MAP3K3: variants seen among roughly 807,000 people sequenced by gnomAD.
MAP3K3 encodes the protein MAP/ERK kinase kinase 3.
In MAP3K3, 12 loss-of-function variants were observed where a neutral mutation model predicts 80.9. The ratio of observed to expected loss-of-function variants is 0.15; its 90% confidence interval spans 0.10 to 0.24. MAP3K3 has a LOEUF of 0.24. Ranked by LOEUF, MAP3K3 falls within the 10% of genes least tolerant of loss-of-function variation. The pLI is 1.00. For missense variants in MAP3K3, 596 were observed against 834.7 expected (o/e 0.71, Z 3.52); for synonymous variants, 272 against 307.1 (o/e 0.89, Z 1.19).
intron 2 of MAP3K3, chr17:63,634,612 G>T: frequency 3.1e-6 from 3 of 980,876 alleles, no homozygotes; most frequent in Non-Finnish European, 4.8e-6. Flanking sequence ...TTAACAAGAG[G>T]TACTAGATCT....
At chr17:63,660,970 T>G (rs1187961478) in intron 5 of MAP3K3, among the ~76,000 whole-genome samples, 2 of 152,236 alleles carry the variant, frequency 1.3e-5, no homozygotes, top group Non-Finnish European at 2.9e-5. Context: ...TACATAGTCT[T>G]ACCTCTCCCA....
chr17:63,689,692 C>G lies in MAP3K3; in HGVS notation c.1020C>G (p.Ser340Arg). ...DPRGRLRSAD[S>R]ENALSVQERN... ...GTGGGCGCCTGCGGAGTGCGGACAG[C>G]GAGAATGCCCTCTCTGTGCAGGAGA... The change falls in exon 11 of 16, where the codon AGC becomes AGG. Residue 340 changes from serine (S) to arginine (R), a missense_variant. Transcript: ENST00000361733. This position sits in a 1 kb window ranked among gnomAD's most constrained non-coding sequence, Gnocchi z 4.3. The G allele has an allele frequency of 1.2e-6, 2 of 1,613,862 alleles. No individual in the cohort carries two copies. Among genetic ancestry groups the G allele is most frequent in the Middle Eastern group, 3.3e-4 (2 of 6,060 alleles).
intron 4 of MAP3K3, among the ~76,000 whole-genome samples, chr17:63,654,205 A>C (rs1211109093): frequency 1.3e-5 from 2 of 151,822 alleles, no homozygotes; most frequent in African/African-American, 4.9e-5. Context: ...AGAAACCTGT[A>C]CCTATTAGCA....
At chr17:63,623,470 C>T (rs2034037103) in intron 1 of MAP3K3, among the ~76,000 whole-genome samples, 1 of 152,196 alleles carries the variant, frequency 6.6e-6, no homozygotes, top group Non-Finnish European at 1.5e-5. Flanking sequence ...TTATTTTTTT[C>T]TTGCGGTATC....
Position 63,693,793 on chromosome 17 carries a change from C to T in MAP3K3, c.*16C>T, listed in dbSNP as rs2035640267. ...CATGTACTGAGCTCTCACGGCCACACAGCTGCCGGTCGCCCTTTGCTGCAT... is the reference window on the plus strand; with the variant it reads ...CATGTACTGAGCTCTCACGGCCACATAGCTGCCGGTCGCCCTTTGCTGCAT... On this transcript the variant is annotated 3_prime_UTR_variant, in exon 16 of 16. Coordinates refer to ENST00000361733, the MANE Select transcript of MAP3K3 (RefSeq NM_002401.5). This position sits in a 1 kb window ranked among gnomAD's most constrained non-coding sequence, Gnocchi z 4.2. 7 of 1,587,656 alleles carry T rather than the reference C, an allele frequency of 4.4e-6. No homozygotes were observed. The highest frequency in any genetic ancestry group is 1.8e-4 in the Middle Eastern group (1 of 5,692).
In MAP3K3 at chr17:63,692,228, C is replaced by CT; in HGVS notation, c.1475-11dup. On this transcript the variant is annotated splice_polypyrimidine_tract_variant and intron_variant, in intron 14 of 15. Transcript: ENST00000361733. This position sits in a 1 kb window ranked among gnomAD's most constrained non-coding sequence, Gnocchi z 4.5. ...AGGGTCCAGGGTTGCAGCCTCTGCC[C>CT]TTTCATGCCTCAGGAGCCAACATCC... The CT allele has an allele frequency of 6.2e-7, 1 of 1,613,586 alleles. No individual in the cohort carries two copies.
chr17:63,688,903 C>T, intron 10 of MAP3K3, 22 bp downstream of exon 10: 1 of 1,580,810 alleles, frequency 6.3e-7, no homozygotes, highest in Admixed American at 1.7e-5. Context: ...TTCACCTGCT[C>T]CCTGCTGGCT....
At position 63,691,259 on chromosome 17, in the gene MAP3K3, G is replaced by GAC; in HGVS notation, c.1344+34_1344+35dup. The GAC allele has an allele frequency of 1.2e-6, 2 of 1,613,822 alleles. No individual in the cohort carries two copies. The highest frequency in any genetic ancestry group is 1.7e-6 in the Non-Finnish European group (2 of 1,179,972). ...GTACGTGCCCCTTGAATGCATGTGA[G>GAC]ACACACACAAAAGAGGGCCTGACCT... On this transcript the variant is annotated intron_variant, in intron 13 of 15. Transcript: ENST00000361733. This position sits in a 1 kb window ranked among gnomAD's most constrained non-coding sequence, Gnocchi z 4.8.
chr17:63,674,706 A>G (rs899439291), intron 6 of MAP3K3, among the ~76,000 whole-genome samples: 1 of 152,142 alleles, frequency 6.6e-6, no homozygotes, highest in South Asian at 2.1e-4. Flanking sequence ...GGATAAAGAC[A>G]GCTGAAAAGG....
chr17:63,690,887 C>T, intron 12 of MAP3K3: 1 of 586,086 alleles, frequency 1.7e-6, no homozygotes, highest in Admixed American at 3.0e-5. Flanking sequence ...CTTCTCCCAC[C>T]TCCCTGCCTC....
At position 63,643,048 on chromosome 17, in the gene MAP3K3, A is replaced by G. The variant is rs140386329; in HGVS notation, c.127-2986A>G. Among the ~76,000 whole-genome samples, 1,161 of 151,190 alleles carry G rather than the reference A, an allele frequency of 7.7e-3. 8 individuals carry two copies. The highest frequency in any genetic ancestry group is 0.013 in the Non-Finnish European group (866 of 67,836). On this transcript the variant is annotated intron_variant, in intron 2 of 15. Coordinates refer to ENST00000361733, the MANE Select transcript of MAP3K3 (RefSeq NM_002401.5). ...GTTGGGGTTAGAAGCGTGAGCTACC[A>G]CACCTGGCCTAAAACTTCTAAAAAT...
At chr17:63,632,867 A>G in intron 2 of MAP3K3, 65 bp downstream of exon 2, 2 of 1,601,472 alleles carry the variant, frequency 1.2e-6, no homozygotes, top group Non-Finnish European at 1.7e-6. Context: ...TGGGAAATAT[A>G]CGAAAAGCCA....
intron 5 of MAP3K3, among the ~76,000 whole-genome samples, chr17:63,663,752 C>CGTGGTGGCAAATGCCT (rs2042778547): frequency 6.6e-6 from 1 of 152,032 alleles, no homozygotes; most frequent in Admixed American, 6.6e-5. Context: ...TAAAATCAGT[C>CGTGGTGGCAAATGCCT]GTGGTGGCAA....
At position 63,689,024 on chromosome 17, in the gene MAP3K3, G is replaced by GA. The variant is rs2035524129; in HGVS notation, c.871+150dup. The stretch of plus-strand genomic sequence containing the variant: ...CCCAGACTTGAGGCATGGGAGACAG[G>GA]AAAAAAACAAAAACAAAAACAGGGA... On this transcript the variant is annotated intron_variant, in intron 10 of 15. Transcript: ENST00000361733. This position sits in a 1 kb window ranked among gnomAD's most constrained non-coding sequence, Gnocchi z 4.3. The GA allele has an allele frequency of 4.7e-6, 3 of 638,342 alleles. No individual in the cohort carries two copies. Among genetic ancestry groups the GA allele is most frequent in the East Asian group, 5.4e-5 (2 of 37,292 alleles). 39.5% of individuals were successfully genotyped at this position (638,342 alleles called of 1,614,324 possible).
chr17:63,690,774 G>A (rs1243756463), intron 12 of MAP3K3, among the ~76,000 whole-genome samples: 1 of 152,192 alleles, frequency 6.6e-6, no homozygotes, highest in Non-Finnish European at 1.5e-5. Flanking sequence ...CAGCTCTAGA[G>A]GAGGAATCAT....
chr17:63,656,901 T>TA (rs2034781546), intron 4 of MAP3K3, among the ~76,000 whole-genome samples: 1 of 152,046 alleles, frequency 6.6e-6, no homozygotes, highest in Non-Finnish European at 1.5e-5. Flanking sequence ...TCAGGAAACT[T>TA]ACAATCATGA....
chr17:63,631,285 T>TTCAG (rs754263410), intron 1 of MAP3K3, among the ~76,000 whole-genome samples: 2 of 152,070 alleles, frequency 1.3e-5, no homozygotes, highest in African/African-American at 2.4e-5. Context: ...GAAACCCTGT[T>TTCAG]TCAGTCAGTC....
Position 63,693,801 on chromosome 17 carries a change from G to T in MAP3K3, c.*24G>T, listed in dbSNP as rs375158743. On this transcript the variant is annotated 3_prime_UTR_variant, in exon 16 of 16. Coordinates refer to ENST00000361733, the MANE Select transcript of MAP3K3 (RefSeq NM_002401.5). The surrounding 1 kb of genome is among the most constrained non-coding windows in gnomAD (Gnocchi z 4.2). Reference sequence around the variant, plus strand: ...GAGCTCTCACGGCCACACAGCTGCCGGTCGCCCTTTGCTGCATGGCAGGGG... The same window carrying T: ...GAGCTCTCACGGCCACACAGCTGCCTGTCGCCCTTTGCTGCATGGCAGGGG... 4.4e-6 allele frequency: 7 copies of T among 1,581,856 alleles called. No homozygotes were observed. The African/African-American group carries it at 9.6e-5, about 22-fold the overall frequency.
intron 2 of MAP3K3, among the ~76,000 whole-genome samples, chr17:63,635,132 T>C (rs1014531399): frequency 6.6e-6 from 1 of 152,256 alleles, no homozygotes; most frequent in Non-Finnish European, 1.5e-5. Context: ...TTTTAATTAA[T>C]TTAGACAGCC....
Sources: allele counts gnomAD v4.1 joint callset (sites outside exome capture counted in the v4.1 genomes callset), GRCh38; gene constraint gnomAD v4.1.1; non-coding constraint Gnocchi (gnomAD v3.1); transcripts MANE v1.5; gene names NCBI Gene and HGNC (gene_info 2026-07-23, HGNC 2026-07-21).